FAF1: variants seen among roughly 807,000 people sequenced by gnomAD.
The protein encoded by FAF1 is Fas associated factor 1.
FAF1 carries 25 observed loss-of-function variants against 92.5 expected under a neutral mutation model. The ratio of observed to expected loss-of-function variants is 0.27; its 90% CI spans 0.20 to 0.38. The LOEUF (loss-of-function observed/expected upper bound fraction) is 0.38, where lower values mean the gene tolerates loss of function less well. Among genes scored for constraint, FAF1 ranks in the 10% least tolerant of loss-of-function variants. FAF1 has a pLI of 1.00. For missense variants in FAF1, 636 were observed against 793.3 expected (o/e 0.80, Z 2.38); for synonymous variants, 234 against 273.2 (o/e 0.86, Z 1.42).
chr1:50,549,360 G>C (rs762065286), intron 13 of FAF1, among the ~76,000 whole-genome samples: 1 of 152,096 alleles, frequency 6.6e-6, no homozygotes, highest in Non-Finnish European at 1.5e-5. Context: ...CCAGGCTGGA[G>C]TGCAGTGGCA....
In FAF1 at chr1:50,776,555, C is replaced by A. The variant is rs540728346; in HGVS notation, c.367+11445G>T. Among the ~76,000 whole-genome samples the A allele has an allele frequency of 2.0e-5, 3 of 151,464 alleles. No individual in the cohort carries two copies. The East Asian group carries it at 5.8e-4, about 29-fold the overall frequency. ...TTAGTTGAAAAAATACTTAATAGTC[C>A]ATCAAAAAAAAGAACAAGGTTTTTC... On this transcript the variant is annotated intron_variant, in intron 4 of 18. Coordinates refer to ENST00000396153, the MANE Select transcript of FAF1 (RefSeq NM_007051.3).
intron 17 of FAF1, among the ~76,000 whole-genome samples, chr1:50,489,324 T>C (rs3862271): frequency 0.26 from 39,636 of 152,212 alleles, 5,583 homozygotes; most frequent in Middle Eastern, 0.44. Context: ...GAGTAATAAC[T>C]AACAGAGTTT....
chr1:50,708,521 C>CA lies in FAF1; in HGVS notation c.552-2631dup, dbSNP rs34228195. Among the ~76,000 whole-genome samples the CA allele has an allele frequency of 8.2e-3, 1,098 of 133,630 alleles. 13 individuals are homozygous for CA. Among genetic ancestry groups the CA allele is most frequent in the East Asian group, 0.036 (170 of 4,670 alleles). The allele number at this position is 133,630 out of a possible 152,430, so 87.7% of individuals were successfully genotyped here. A position where few individuals can be genotyped will look rare whatever the true frequency, so the allele number is the denominator to read the frequency against. Reference sequence around the variant, plus strand: ...TGTTTTGAGATGTCTATTAGACAGTCAAAAAAAAAAAATGTCATGTAGAGT... The same window carrying CA: ...TGTTTTGAGATGTCTATTAGACAGTCAAAAAAAAAAAAATGTCATGTAGAGT... On this transcript the variant is annotated intron_variant, in intron 6 of 18. Coordinates refer to ENST00000396153, the MANE Select transcript of FAF1 (RefSeq NM_007051.3).
intron 18 of FAF1, among the ~76,000 whole-genome samples, chr1:50,442,424 C>A (rs977612871): frequency 9.2e-5 from 14 of 152,176 alleles, no homozygotes; most frequent in African/African-American, 3.1e-4. Flanking sequence ...TCTTGCAGGA[C>A]TCATTGTGAG....
chr1:50,905,838 C>T lies in FAF1; in HGVS notation c.46-47841G>A, dbSNP rs544703998. Among the ~76,000 whole-genome samples the T allele has an allele frequency of 2.8e-3, 424 of 152,298 alleles. 5 individuals are homozygous for T. Among genetic ancestry groups the T allele is most frequent in the Non-Finnish European group, 4.6e-3 (315 of 68,032 alleles). The stretch of plus-strand genomic sequence containing the variant: ...TCCCATTCTGTAGGTTGCCTGTTCA[C>T]TCTGATGGCAGTTTCTTTTGCTGTG... On this transcript the variant is annotated intron_variant, in intron 1 of 18. Coordinates refer to ENST00000396153, the MANE Select transcript of FAF1 (RefSeq NM_007051.3).
intron 18 of FAF1, among the ~76,000 whole-genome samples, chr1:50,446,427 A>T (rs1646227865): frequency 6.6e-6 from 1 of 152,238 alleles, no homozygotes; most frequent in African/African-American, 2.4e-5. Flanking sequence ...GGAGCATTTC[A>T]GATTTTGGAT....
intron 13 of FAF1, among the ~76,000 whole-genome samples, chr1:50,550,989 T>C (rs1572827203): frequency 6.6e-6 from 1 of 152,318 alleles, no homozygotes; most frequent in South Asian, 2.1e-4. Flanking sequence ...GATGAATAAA[T>C]GATTATATGC....
chr1:50,703,557 T>C (rs1024846478), intron 7 of FAF1, among the ~76,000 whole-genome samples: 1 of 152,072 alleles, frequency 6.6e-6, no homozygotes, highest in Non-Finnish European at 1.5e-5. Context: ...CCTGGCAAAC[T>C]AGCATTTAAA....
At chr1:50,787,940 T>C in intron 4 of FAF1, 60 bp downstream of exon 4, 2 of 1,448,518 alleles carry the variant, frequency 1.4e-6, no homozygotes, top group South Asian at 1.2e-5. Flanking sequence ...AAAAAAAATA[T>C]AACCTGAATG....
chr1:50,562,433 C>T (rs1649965443), intron 13 of FAF1, among the ~76,000 whole-genome samples: 1 of 152,118 alleles, frequency 6.6e-6, no homozygotes, highest in African/African-American at 2.4e-5. Context: ...CCTTTGTTCC[C>T]CATACGTAAT....
chr1:50,695,929 G>A (rs972541269), intron 7 of FAF1, among the ~76,000 whole-genome samples: 1 of 150,182 alleles, frequency 6.7e-6, no homozygotes, highest in Non-Finnish European at 1.5e-5. Context: ...GATTACAGGC[G>A]TGAGTCACCG....
chr1:50,537,749 T>G (rs1409502966), intron 14 of FAF1, among the ~76,000 whole-genome samples: 2 of 151,274 alleles, frequency 1.3e-5, no homozygotes, highest in Admixed American at 1.3e-4. Context: ...GTATTCTGTA[T>G]TCTCGTACCT....
intron 3 of FAF1, 116 bp from the exon 4 acceptor site, chr1:50,788,321 A>G: frequency 1.2e-6 from 1 of 829,018 alleles, no homozygotes; most frequent in Non-Finnish European, 1.9e-6. Context: ...GTTTACCTAC[A>G]TGTGTGTCAA....
chr1:50,649,832 G>T (rs1654774316), intron 8 of FAF1, among the ~76,000 whole-genome samples: 1 of 151,658 alleles, frequency 6.6e-6, no homozygotes, highest in South Asian at 2.1e-4. Flanking sequence ...GGGTATGATG[G>T]CACGTGCCTG....
At chr1:50,615,085 T>C (rs1652851012) in intron 8 of FAF1, among the ~76,000 whole-genome samples, 1 of 152,186 alleles carries the variant, frequency 6.6e-6, no homozygotes, top group South Asian at 2.1e-4. Context: ...CCCATGTTTA[T>C]GCCCATGTGT....
chr1:50,661,958 C>T (rs1655396051), intron 7 of FAF1, among the ~76,000 whole-genome samples: 1 of 152,028 alleles, frequency 6.6e-6, no homozygotes, highest in Non-Finnish European at 1.5e-5. Context: ...CCTTTCTGAA[C>T]AAAAAACGCT....
intron 8 of FAF1, among the ~76,000 whole-genome samples, chr1:50,650,144 C>T (rs1007853843): frequency 4.9e-4 from 72 of 147,056 alleles, no homozygotes; most frequent in African/African-American, 1.7e-3. Context: ...ATTAGCCGGG[C>T]GTGGTGGTGC....
At chr1:50,923,076 T>G (rs559609241) in intron 1 of FAF1, among the ~76,000 whole-genome samples, 4 of 151,864 alleles carry the variant, frequency 2.6e-5, no homozygotes, top group Non-Finnish European at 5.9e-5. Flanking sequence ...AATGAAGAAA[T>G]AGAAAACCTG....
chr1:50,831,262 G>A (rs1029510686), intron 2 of FAF1, among the ~76,000 whole-genome samples: 1 of 152,150 alleles, frequency 6.6e-6, no homozygotes, highest in Non-Finnish European at 1.5e-5. Context: ...AAGAACCTAT[G>A]ACTTCCTAAG....
Sources: gnomAD v4.1 joint callset for allele counts (sites outside exome capture counted in the v4.1 genomes callset) on GRCh38, gnomAD v4.1.1 for gene constraint, MANE v1.5 for transcripts, NCBI Gene and HGNC (gene_info 2026-07-23, HGNC 2026-07-21) for gene names.